The following CDH2 variants were observed in gnomAD, a reference collection of about 807,000 sequenced individuals.
CDH2 encodes the protein cadherin 2, also known as cadherin-2.
CDH2 carries 17 observed loss-of-function variants against 92.0 expected under a neutral mutation model. That is an observed-to-expected ratio of 0.18 (90% confidence interval 0.13 to 0.28). The LOEUF (loss-of-function observed/expected upper bound fraction) is 0.28, where lower values mean the gene tolerates loss of function less well. Ranked by LOEUF, CDH2 falls within the 10% of genes least tolerant of loss-of-function variation. The pLI is 1.00. For synonymous variants in CDH2, 419 were observed against 415.9 expected, an observed-to-expected ratio of 1.01 and a Z score of -0.09; for missense variants, 862 against 1,133.1, an observed-to-expected ratio of 0.76 and a Z score of 3.44.
chr18:28,023,748 A>G (rs1258377650), intron 2 of CDH2, among the ~76,000 whole-genome samples: 2 of 152,210 alleles, frequency 1.3e-5, no homozygotes, highest in African/African-American at 4.8e-5. Flanking sequence ...GTCTATTAGC[A>G]ATTATACTAA....
Position 28,063,702 on chromosome 18 carries a change from T to C in CDH2, c.173-49793A>G, listed in dbSNP as rs1000566227. ...CGGTAATGATCTACAGCAGGGTGTCTGCAGAGACAAATTTTCTTGGTTAGG... is the reference window on the plus strand; with the variant it reads ...CGGTAATGATCTACAGCAGGGTGTCCGCAGAGACAAATTTTCTTGGTTAGG... On this transcript the variant is annotated intron_variant, in intron 2 of 15. Coordinates refer to ENST00000269141, the MANE Select transcript of CDH2 (RefSeq NM_001792.5). Among the ~76,000 whole-genome samples the C allele has an allele frequency of 3.9e-5, 6 of 152,336 alleles. No homozygotes were observed. In the South Asian group the frequency reaches 6.2e-4, roughly 16 times the overall value.
At position 27,971,096 on chromosome 18, in the gene CDH2, C is replaced by T. The variant is rs748127715; in HGVS notation, c.2350-7575G>A. On this transcript the variant is annotated intron_variant, in intron 14 of 15. Coordinates refer to ENST00000269141, the MANE Select transcript of CDH2 (RefSeq NM_001792.5). The stretch of plus-strand genomic sequence containing the variant: ...ACTAAAAATACAAAAATTAGCTGGG[C>T]GTCGTGGCACACGCCTGTAATCCCA... 9.2e-5 allele frequency among the ~76,000 whole-genome samples: 14 copies of T among 152,052 alleles called. 1 individual carries two copies. The highest frequency in any genetic ancestry group is 1.9e-4 in the East Asian group (1 of 5,160).
In CDH2 at chr18:28,106,207, A is replaced by G. The variant is rs1207074721; in HGVS notation, c.172+41466T>C. 2.6e-5 allele frequency among the ~76,000 whole-genome samples: 4 copies of G among 152,312 alleles called. No individual in the cohort carries two copies. The East Asian group carries it at 7.7e-4, about 29-fold the overall frequency. On this transcript the variant is annotated intron_variant, in intron 2 of 15. Coordinates refer to ENST00000269141, the MANE Select transcript of CDH2 (RefSeq NM_001792.5). ...CAAGGCTGGTGGATCATCTGAGGTC[A>G]GGAGTTCAAGACCAGCCTGGCCAAC...
intron 7 of CDH2, among the ~76,000 whole-genome samples, chr18:28,000,232 G>A (rs933191151): frequency 2.6e-5 from 4 of 151,988 alleles, no homozygotes; most frequent in African/African-American, 9.7e-5. Flanking sequence ...CCTCCCAAGT[G>A]GCTGGGACTA....
At chr18:27,995,173 G>T (rs776977379) in intron 7 of CDH2, among the ~76,000 whole-genome samples, 10 of 151,862 alleles carry the variant, frequency 6.6e-5, no homozygotes, top group Admixed American at 1.3e-4. Flanking sequence ...AATTAGCCAG[G>T]CGTGGTGGTG....
intron 2 of CDH2, among the ~76,000 whole-genome samples, chr18:28,098,180 G>A (rs1017024049): frequency 6.6e-6 from 1 of 152,160 alleles, no homozygotes; most frequent in African/African-American, 2.4e-5. Flanking sequence ...ACATCTGTAT[G>A]CTGTATTGCT....
intron 2 of CDH2, among the ~76,000 whole-genome samples, chr18:28,018,572 A>G (rs2013318958): frequency 6.6e-6 from 1 of 152,004 alleles, no homozygotes; most frequent in Non-Finnish European, 1.5e-5. Context: ...AATGTATGAA[A>G]AAATGCTCAA....
At chr18:28,082,860 G>T (rs45569840) in intron 2 of CDH2, among the ~76,000 whole-genome samples, 14 of 152,296 alleles carry the variant, frequency 9.2e-5, no homozygotes, top group Middle Eastern at 6.8e-3. Context: ...AAGTATTTCA[G>T]CACTGGTGGA....
chr18:28,105,890 A>G (rs2144243304), intron 2 of CDH2, among the ~76,000 whole-genome samples: 1 of 152,360 alleles, frequency 6.6e-6, no homozygotes, highest in East Asian at 1.9e-4. Context: ...TTTACCAGAC[A>G]AAAACCTCTC....
At chr18:28,005,355 C>A (rs1298198780) in intron 6 of CDH2, among the ~76,000 whole-genome samples, 4 of 152,146 alleles carry the variant, frequency 2.6e-5, no homozygotes, top group Non-Finnish European at 5.9e-5. Context: ...AGCTAGAGGG[C>A]AGCAATCACA....
At chr18:28,100,277 T>C (rs1381078187) in intron 2 of CDH2, among the ~76,000 whole-genome samples, 3 of 152,348 alleles carry the variant, frequency 2.0e-5, no homozygotes, top group African/African-American at 4.8e-5. Flanking sequence ...TGAAGACCAG[T>C]TGAACCAATC....
Position 27,978,617 on chromosome 18 carries a change from G to A in CDH2, c.2349+4327C>T, listed in dbSNP as rs535265239. On this transcript the variant is annotated intron_variant, in intron 14 of 15. Coordinates refer to ENST00000269141, the MANE Select transcript of CDH2 (RefSeq NM_001792.5). ...AGAAAATAATATATGTAGTTGGGGG[G>A]GGGGATTCATTACCTTGGGGTAGAC... Among the ~76,000 whole-genome samples, 3 of 150,686 alleles carry A rather than the reference G, an allele frequency of 2.0e-5. No individual in the cohort carries two copies. In the South Asian group the frequency reaches 6.3e-4, roughly 32 times the overall value.
chr18:28,031,084 T>C (rs1257403215), intron 2 of CDH2, among the ~76,000 whole-genome samples: 1 of 151,312 alleles, frequency 6.6e-6, no homozygotes, highest in Non-Finnish European at 1.5e-5. Flanking sequence ...CACTGAGATC[T>C]AGTATCCTAC....
intron 2 of CDH2, among the ~76,000 whole-genome samples, chr18:28,064,100 T>C (rs2014458088): frequency 6.7e-6 from 1 of 148,366 alleles, no homozygotes; most frequent in African/African-American, 2.5e-5. Flanking sequence ...ATGAGAAACA[T>C]CTGGAAATCT....
At chr18:28,117,700 G>A (rs1212180528) in intron 2 of CDH2, among the ~76,000 whole-genome samples, 1 of 152,096 alleles carries the variant, frequency 6.6e-6, no homozygotes, top group Non-Finnish European at 1.5e-5. Context: ...AGACAAAAGT[G>A]GCCAGTAAAA....
At chr18:27,963,062 G>T (rs1013463216) in intron 15 of CDH2, among the ~76,000 whole-genome samples, 7 of 152,036 alleles carry the variant, frequency 4.6e-5, no homozygotes, top group Non-Finnish European at 1.0e-4. Flanking sequence ...TTTATTACTT[G>T]TAATCTAGGA....
rs556282022 is a variant in CDH2 at position 27,968,949 on chromosome 18, G to A, written c.2350-5428C>T. Among the ~76,000 whole-genome samples, 31 of 152,180 alleles carry A rather than the reference G, an allele frequency of 2.0e-4. No homozygotes were observed. In the South Asian group the frequency reaches 4.1e-3, roughly 20 times the overall value. ...TATTATCTCACCCTCTATAGCTCCC[G>A]GCATTAAAATAATTGAATAAAATAG... On this transcript the variant is annotated intron_variant, in intron 14 of 15. Coordinates refer to ENST00000269141, the MANE Select transcript of CDH2 (RefSeq NM_001792.5).
At chr18:28,012,253 T>C (rs370034160) in intron 3 of CDH2, among the ~76,000 whole-genome samples, 2 of 152,194 alleles carry the variant, frequency 1.3e-5, no homozygotes, top group Non-Finnish European at 2.9e-5. Flanking sequence ...GCAGTTTCTA[T>C]AAACCTTTTT....
chr18:28,074,595 T>G (rs2014682849), intron 2 of CDH2, among the ~76,000 whole-genome samples: 1 of 152,092 alleles, frequency 6.6e-6, no homozygotes, highest in East Asian at 1.9e-4. Context: ...CTTTTAAAAC[T>G]TATGAGCCAT....
Sources: allele counts gnomAD v4.1 joint callset (sites outside exome capture counted in the v4.1 genomes callset), GRCh38; gene constraint gnomAD v4.1.1; transcripts MANE v1.5; gene names NCBI Gene and HGNC (gene_info 2026-07-23, HGNC 2026-07-21).